Variants in HNF1B observed in about 807,000 individuals in gnomAD.
The protein encoded by HNF1B is HNF1 homeobox B.
A neutral mutation model predicts 61.7 loss-of-function variants in HNF1B; 8 were observed. The observed-to-expected ratio is 0.13, with a 90% CI of 0.08 to 0.23. The LOEUF (loss-of-function observed/expected upper bound fraction) is 0.23, where lower values mean the gene tolerates loss of function less well. Ranked by LOEUF, HNF1B falls within the 10% of genes least tolerant of loss-of-function variation. HNF1B has a pLI of 1.00. For synonymous variants in HNF1B, 314 were observed against 287.7 expected, an observed-to-expected ratio of 1.09 and a Z score of -0.93; for missense variants, 562 against 714.5, an observed-to-expected ratio of 0.79 and a Z score of 2.43.
At chr17:37,710,334 C>T (rs2032889159) in intron 5 of HNF1B, among the ~76,000 whole-genome samples, 169 bp downstream of exon 5, 2 of 152,250 alleles carry the variant, frequency 1.3e-5, no homozygotes, top group African/African-American at 4.8e-5. Context: ...TTCTACCCGC[C>T]AAAGGCTGGG....
Position 37,739,476 on chromosome 17 carries a change from T to C in HNF1B, c.508A>G (p.Thr170Ala). ...MKTQKRAALY[T>A]WYVRKQREIL... ...TCTCGTTGCTTTCTGACGTACCAGG[T>C]GTACAGAGCGGCACGCTTCTGGGTC... The change falls in exon 2 of 9, where the codon ACC (threonine) becomes GCC (alanine). Residue 170 changes from threonine (T) to alanine (A), a missense_variant. Transcript: ENST00000617811. The C allele has an allele frequency of 6.2e-7, 1 of 1,614,112 alleles. No individual in the cohort carries two copies. Among genetic ancestry groups the C allele is most frequent in the Non-Finnish European group, 8.5e-7 (1 of 1,180,022 alleles).
intron 8 of HNF1B, among the ~76,000 whole-genome samples, chr17:37,696,411 T>C (rs971846245): frequency 6.6e-6 from 1 of 152,156 alleles, no homozygotes; most frequent in African/African-American, 2.4e-5. Flanking sequence ...CACTCCAGCC[T>C]GGGTGACAGA....
intron 4 of HNF1B, among the ~76,000 whole-genome samples, chr17:37,727,686 C>T (rs1428536122): frequency 1.3e-5 from 2 of 152,260 alleles, no homozygotes; most frequent in South Asian, 2.1e-4. Flanking sequence ...CCTATTGTGC[C>T]GGACATTCCA....
intron 4 of HNF1B, among the ~76,000 whole-genome samples, chr17:37,727,010 G>C (rs1396782897): frequency 1.3e-5 from 2 of 152,156 alleles, no homozygotes; most frequent in Non-Finnish European, 2.9e-5. Context: ...CTGCCGACTA[G>C]AGCAAAGGGT....
chr17:37,744,910 G>GGGT lies in HNF1B; in HGVS notation c.-27_-26insACC. 1 of 1,049,664 alleles carries GGGT rather than the reference G, an allele frequency of 9.5e-7. No individual in the cohort carries two copies. Among genetic ancestry groups the GGGT allele is most frequent in the Non-Finnish European group, 1.4e-6 (1 of 691,796 alleles). 65.0% of individuals were successfully genotyped at this position (1,049,664 alleles called of 1,614,324 possible). The stretch of plus-strand genomic sequence containing the variant: ...TTTCCAAGGACGGAAAAAGAAGGGG[G>GGGT]TGAGGGGGTGGGTGGGTGCGAGAGA... On this transcript the variant is annotated 5_prime_UTR_variant, in exon 1 of 9. Coordinates refer to ENST00000617811, the MANE Select transcript of HNF1B (RefSeq NM_000458.4).
chr17:37,687,784 C>A (rs892306760), intron 8 of HNF1B, among the ~76,000 whole-genome samples: 1 of 152,118 alleles, frequency 6.6e-6, no homozygotes, highest in Non-Finnish European at 1.5e-5. Flanking sequence ...TTCCTAAGAC[C>A]GCTAAGAGCA....
At position 37,744,902 on chromosome 17, in the gene HNF1B, A is replaced by AT; in HGVS notation, c.-19_-18insA. 6 of 652,538 alleles carry AT rather than the reference A, an allele frequency of 9.2e-6. No individual in the cohort carries two copies. Among genetic ancestry groups the AT allele is most frequent in the Admixed American group, 2.0e-5 (1 of 51,098 alleles). The allele number at this position is 652,538 out of a possible 1,614,324, so 40.4% of individuals were successfully genotyped here. A position where few individuals can be genotyped will look rare whatever the true frequency, so the allele number is the denominator to read the frequency against. Reference sequence around the variant, plus strand: ...GACACCATTTTCCAAGGACGGAAAAAGAAGGGGGTGAGGGGGTGGGTGGGT... The same window carrying AT: ...GACACCATTTTCCAAGGACGGAAAAATGAAGGGGGTGAGGGGGTGGGTGGGT... On this transcript the variant is annotated 5_prime_UTR_variant, in exon 1 of 9. Coordinates refer to ENST00000617811, the MANE Select transcript of HNF1B (RefSeq NM_000458.4).
intron 1 of HNF1B, among the ~76,000 whole-genome samples, chr17:37,744,228 G>C (rs113875645): frequency 2.0e-5 from 3 of 152,220 alleles, no homozygotes; most frequent in Non-Finnish European, 4.4e-5. Context: ...ACCTTCAGTC[G>C]CGTGGGCAAA....
At chr17:37,721,492 C>A (rs181675306) in intron 4 of HNF1B, among the ~76,000 whole-genome samples, 1 of 152,144 alleles carries the variant, frequency 6.6e-6, no homozygotes, top group Non-Finnish European at 1.5e-5. Context: ...TCATCCCACA[C>A]CCTCATTTGC....
chr17:37,711,790 T>C (rs1039327776), intron 4 of HNF1B, among the ~76,000 whole-genome samples: 1 of 152,196 alleles, frequency 6.6e-6, no homozygotes, highest in Admixed American at 6.5e-5. Context: ...GTGGACCAAC[T>C]CTTTAGCTGC....
intron 1 of HNF1B, among the ~76,000 whole-genome samples, chr17:37,743,442 T>TA (rs2035669730): frequency 6.6e-6 from 1 of 152,240 alleles, no homozygotes; most frequent in South Asian, 2.1e-4. Context: ...AAAAAAAATC[T>TA]ACAAGTTCCC....
chr17:37,694,447 C>G lies in HNF1B; in HGVS notation c.1653+4629G>C, dbSNP rs547160758. On this transcript the variant is annotated intron_variant, in intron 8 of 8. Coordinates refer to ENST00000617811, the MANE Select transcript of HNF1B (RefSeq NM_000458.4). ...ATCCCCCCGCCCCGCCGCCCCCCCC[C>G]CCCCCCGCAAAAAAAAAAGATACTT... 2.9e-4 allele frequency among the ~76,000 whole-genome samples: 23 copies of G among 78,824 alleles called. 2 individuals carry two copies. The highest frequency in any genetic ancestry group is 8.7e-4 in the African/African-American group (21 of 24,158). 51.7% of individuals were successfully genotyped at this position (78,824 alleles called of 152,430 possible).
chr17:37,688,009 C>T (rs950879353), intron 8 of HNF1B, among the ~76,000 whole-genome samples: 1 of 152,210 alleles, frequency 6.6e-6, no homozygotes, highest in Admixed American at 6.5e-5. Context: ...AACTACTCAT[C>T]AGGAAGGAGC....
intron 4 of HNF1B, among the ~76,000 whole-genome samples, chr17:37,722,407 T>C (rs1598829583): frequency 6.6e-6 from 1 of 152,174 alleles, no homozygotes; most frequent in East Asian, 1.9e-4. Context: ...GAGAAGCTAA[T>C]AACTTAAGGT....
At chr17:37,726,211 T>G (rs1248902590) in intron 4 of HNF1B, among the ~76,000 whole-genome samples, 3 of 152,244 alleles carry the variant, frequency 2.0e-5, no homozygotes, top group Admixed American at 2.0e-4. Flanking sequence ...GTTCTTAGCA[T>G]CTGCATAAAG....
chr17:37,737,733 G>T (rs1004352578), intron 2 of HNF1B, among the ~76,000 whole-genome samples: 5 of 152,050 alleles, frequency 3.3e-5, no homozygotes, highest in Non-Finnish European at 7.3e-5. Context: ...TACTTGGGAG[G>T]CTGAAGCAGG....
At chr17:37,688,446 G>T (rs2032065268) in intron 8 of HNF1B, among the ~76,000 whole-genome samples, 1 of 147,970 alleles carries the variant, frequency 6.8e-6, no homozygotes, top group East Asian at 2.0e-4. Context: ...TACCACTAAA[G>T]GCCACTGTTA....
In HNF1B at chr17:37,743,269, G is replaced by A. The variant is rs538109568; in HGVS notation, c.344+1272C>T. ...GCCCTGGCGCCCCAGCCGCTCCTAG[G>A]GGCCACTCTCTCGACCCCTCTTAGC... On this transcript the variant is annotated intron_variant, in intron 1 of 8. Transcript: ENST00000617811. Among the ~76,000 whole-genome samples, 102 of 152,328 alleles carry A rather than the reference G, an allele frequency of 6.7e-4. 1 individual carries two copies. The East Asian group carries it at 0.018, about 27-fold the overall frequency.
In HNF1B at chr17:37,687,213, G is replaced by C; in HGVS notation, c.*159C>G. 2.6e-6 allele frequency: 3 copies of C among 1,173,218 alleles called. No homozygotes were observed. The highest frequency in any genetic ancestry group is 1.3e-5 in the South Asian group (1 of 78,366). 72.7% of individuals were successfully genotyped at this position (1,173,218 alleles called of 1,614,324 possible). On this transcript the variant is annotated 3_prime_UTR_variant, in exon 9 of 9. Transcript: ENST00000617811. ...GCTTCGGGCTGCGCCTCCTGAGAGT[G>C]GATTGTCTGAGGTGCCAGCAGGACG...
Sources: allele counts gnomAD v4.1 joint callset (sites outside exome capture counted in the v4.1 genomes callset), GRCh38; gene constraint gnomAD v4.1.1; transcripts MANE v1.5; gene names NCBI Gene and HGNC (gene_info 2026-07-23, HGNC 2026-07-21).